Variants in CTSC observed in about 807,000 individuals in gnomAD.
CTSC encodes the protein dipeptidyl peptidase 1.
A neutral mutation model predicts 40.9 loss-of-function variants in CTSC; 37 were observed. The ratio of observed to expected loss-of-function variants is 0.91; its 90% CI spans 0.70 to 1.19. The LOEUF is 1.19. Among genes scored for constraint, CTSC ranks in the 50% most tolerant of loss-of-function variants. The pLI is 0.00. For missense variants in CTSC, 594 were observed against 567.3 expected, an observed-to-expected ratio of 1.05 and a Z score of -0.48; for synonymous variants, 232 against 207.4, an observed-to-expected ratio of 1.12 and a Z score of -1.02.
chr11:88,312,306 A>T, intron 3 of CTSC, 82 bp downstream of exon 3: 1 of 1,369,108 alleles, frequency 7.3e-7, no homozygotes, highest in Non-Finnish European at 1.0e-6. Flanking sequence ...GTATAATCAA[A>T]CTAAAATTCC....
chr11:88,319,325 TA>T (rs896791495), intron 2 of CTSC, among the ~76,000 whole-genome samples: 1 of 152,214 alleles, frequency 6.6e-6, no homozygotes, highest in African/African-American at 2.4e-5. Context: ...ATATTTTTTT[TA>T]GTCCTAGACA....
At chr11:88,317,041 A>C (rs1591232919) in intron 2 of CTSC, among the ~76,000 whole-genome samples, 1 of 151,434 alleles carries the variant, frequency 6.6e-6, no homozygotes, top group Non-Finnish European at 1.5e-5. Flanking sequence ...ATCTCAGCTC[A>C]CTGCAACCTC....
chr11:88,329,712 T>C (rs1267346942), intron 2 of CTSC, among the ~76,000 whole-genome samples: 1 of 152,016 alleles, frequency 6.6e-6, no homozygotes, highest in Non-Finnish European at 1.5e-5. Flanking sequence ...TTCGTGTTGT[T>C]ACATTGTGTG....
At position 88,300,534 on chromosome 11, in the gene CTSC, G is replaced by T; in HGVS notation, c.753C>A (p.Asn251Lys). Residue 251 changes from asparagine to lysine, a missense_variant, in exon 5 of 7, where the codon AAC (asparagine) becomes AAA (lysine). Coordinates refer to ENST00000227266, the MANE Select transcript of CTSC (RefSeq NM_001814.6). ...AACTTAGGCTTATTTTTTTACCTTGGTTTCGAACAGGACTGACAAAATTGA... is the reference window on the plus strand; with the variant it reads ...AACTTAGGCTTATTTTTTTACCTTGTTTTCGAACAGGACTGACAAAATTGA... ...HGINFVSPVR[N>K]QASCGSCYSF... 2 of 1,594,676 alleles carry T rather than the reference G, an allele frequency of 1.3e-6. No individual in the cohort carries two copies. The highest frequency in any genetic ancestry group is 1.7e-6 in the Non-Finnish European group (2 of 1,162,342).
chr11:88,335,428 G>A (rs217078), intron 1 of CTSC, among the ~76,000 whole-genome samples: 2 of 152,012 alleles, frequency 1.3e-5, no homozygotes, highest in African/African-American at 2.4e-5. Context: ...TTAAAAATTC[G>A]CTGGTTATGG....
chr11:88,335,221 A>T, intron 1 of CTSC, 139 bp from the exon 2 acceptor site: 1 of 671,424 alleles, frequency 1.5e-6, no homozygotes, highest in South Asian at 1.7e-5. Flanking sequence ...TAGTGAAGAA[A>T]CCAGAGGCTC....
chr11:88,313,220 C>T (rs746580467), intron 2 of CTSC, among the ~76,000 whole-genome samples: 2 of 152,186 alleles, frequency 1.3e-5, no homozygotes, highest in African/African-American at 4.8e-5. Flanking sequence ...AAGGTGCTTA[C>T]CACCACGCCT....
chr11:88,300,541 A>G lies in CTSC; in HGVS notation c.746T>C (p.Val249Ala), dbSNP rs1944347628. ...NVHGINFVSPVRNQASCGSCY... is the reference protein window; with the variant it reads ...NVHGINFVSPARNQASCGSCY... ...GCTTATTTTTTTACCTTGGTTTCGAACAGGACTGACAAAATTGATACCATG... is the reference window on the plus strand; with the variant it reads ...GCTTATTTTTTTACCTTGGTTTCGAGCAGGACTGACAAAATTGATACCATG... Residue 249 changes from valine (V) to alanine (A), a missense_variant, in exon 5 of 7, where the codon GTT becomes GCT. Coordinates refer to ENST00000227266, the MANE Select transcript of CTSC (RefSeq NM_001814.6). 2.5e-6 allele frequency: 4 copies of G among 1,605,096 alleles called. No individual in the cohort carries two copies. The highest frequency in any genetic ancestry group is 3.4e-6 in the Non-Finnish European group (4 of 1,171,860).
rs371808747 is a variant in CTSC at position 88,294,105 on chromosome 11, G to A, written c.1293C>T (p.Thr431=). The change falls in exon 7 of 7, where the codon ACC becomes ACT. Residue 431 remains threonine (T), a synonymous_variant. Coordinates refer to ENST00000227266, the MANE Select transcript of CTSC (RefSeq NM_001814.6). Reference sequence around the variant, plus strand: ...GGAAGTAGCCATTCTCACCCCAGCCGGTGCCCCAGCTGTTTTTAACAATCC... The same window carrying A: ...GGAAGTAGCCATTCTCACCCCAGCCAGTGCCCCAGCTGTTTTTAACAATCC... ...DYWIVKNSWG[T]GWGENGYFRI... is the part of the protein sequence containing the mutation. 147 of 1,613,754 alleles carry A rather than the reference G, an allele frequency of 9.1e-5. 3 individuals are homozygous for A. The highest frequency in any genetic ancestry group is 6.6e-4 in the South Asian group (60 of 91,082).
chr11:88,333,369 T>C (rs189754069), intron 2 of CTSC, among the ~76,000 whole-genome samples: 1 of 152,252 alleles, frequency 6.6e-6, no homozygotes, highest in Admixed American at 6.5e-5. Flanking sequence ...TCATTTTTTT[T>C]GTAATAAATT....
At chr11:88,307,224 C>A (rs1937654700) in intron 4 of CTSC, among the ~76,000 whole-genome samples, 2 of 152,128 alleles carry the variant, frequency 1.3e-5, no homozygotes, top group African/African-American at 4.8e-5. Flanking sequence ...AAATAACCTA[C>A]CTATATAATT....
At chr11:88,326,284 A>G (rs1319259832) in intron 2 of CTSC, 6 of 1,596,966 alleles carry the variant, frequency 3.8e-6, no homozygotes, top group Admixed American at 1.7e-5. Context: ...TGCATTTTGC[A>G]TGCAAATAAA....
At chr11:88,330,568 C>G (rs758604638) in intron 2 of CTSC, among the ~76,000 whole-genome samples, 1 of 151,878 alleles carries the variant, frequency 6.6e-6, no homozygotes, top group African/African-American at 2.4e-5. Context: ...AGACTGGTCT[C>G]GAACGCCTGA....
intron 2 of CTSC, among the ~76,000 whole-genome samples, chr11:88,329,252 C>T (rs751462509): frequency 6.6e-6 from 1 of 151,676 alleles, no homozygotes. Flanking sequence ...GAGGTCCAGG[C>T]GGGCGGATCA....
At chr11:88,296,378 A>G (rs1944299433) in intron 5 of CTSC, 114 bp from the exon 6 acceptor site, 1 of 1,322,942 alleles carries the variant, frequency 7.6e-7, no homozygotes, top group South Asian at 1.2e-5. Flanking sequence ...GTTGTTGTTT[A>G]TAAGAATCAG....
At chr11:88,325,135 C>T (rs974385075) in intron 2 of CTSC, 40 of 985,046 alleles carry the variant, frequency 4.1e-5, no homozygotes, top group African/African-American at 4.0e-4. Context: ...GACCATTATT[C>T]GGCAGGAAAG....
At chr11:88,328,421 T>C (rs2134814498) in intron 2 of CTSC, among the ~76,000 whole-genome samples, 1 of 152,324 alleles carries the variant, frequency 6.6e-6, no homozygotes, top group South Asian at 2.1e-4. Flanking sequence ...AGTATACCTA[T>C]CTCAATAAGT....
intron 2 of CTSC, chr11:88,324,893 A>G: frequency 1.0e-6 from 1 of 985,346 alleles, no homozygotes; most frequent in Non-Finnish European, 1.2e-6. Flanking sequence ...CATCTTTCTG[A>G]AATACTTCTT....
At chr11:88,328,489 C>CA (rs1171692634) in intron 2 of CTSC, among the ~76,000 whole-genome samples, 1 of 152,150 alleles carries the variant, frequency 6.6e-6, no homozygotes. Context: ...AAAAATGTCA[C>CA]AATATTCCCA....
Sources: allele counts gnomAD v4.1 joint callset (sites outside exome capture counted in the v4.1 genomes callset), GRCh38; gene constraint gnomAD v4.1.1; transcripts MANE v1.5; gene names NCBI Gene and HGNC (gene_info 2026-07-23, HGNC 2026-07-21).